Variants in SLC25A26 observed in about 807,000 individuals in gnomAD.
SLC25A26 encodes the protein solute carrier family 25 member 26.
A neutral mutation model predicts 37.8 loss-of-function variants in SLC25A26; 36 were observed. The observed-to-expected ratio is 0.95, with a 90% CI of 0.73 to 1.26. SLC25A26 has a LOEUF of 1.26. SLC25A26 is among the 50% of genes most tolerant of loss of function. The pLI is 0.00. For synonymous variants in SLC25A26, 129 were observed against 122.5 expected, an observed-to-expected ratio of 1.05 and a Z score of -0.35; for missense variants, 390 against 331.1, an observed-to-expected ratio of 1.18 and a Z score of -1.38.
chr3:66,302,765 G>T (rs1267352789), intron 5 of SLC25A26, among the ~76,000 whole-genome samples: 1 of 152,196 alleles, frequency 6.6e-6, no homozygotes, highest in Admixed American at 6.5e-5. Context: ...GAAAAGGTTA[G>T]CCCATATTTA....
intron 1 of SLC25A26, among the ~76,000 whole-genome samples, chr3:66,231,478 A>G (rs2072027808): frequency 6.6e-6 from 1 of 151,730 alleles, no homozygotes. Context: ...TTAAAAAATT[A>G]ATAATTCTTG....
intron 6 of SLC25A26, among the ~76,000 whole-genome samples, chr3:66,354,641 G>A (rs1256417207): frequency 2.0e-5 from 3 of 152,134 alleles, no homozygotes; most frequent in Non-Finnish European, 4.4e-5. Flanking sequence ...GATACTTTTA[G>A]TAATATAAAC....
intron 5 of SLC25A26, among the ~76,000 whole-genome samples, chr3:66,291,293 T>C (rs2074697589): frequency 6.6e-6 from 1 of 152,164 alleles, no homozygotes; most frequent in African/African-American, 2.4e-5. Flanking sequence ...TGGGGGGTTT[T>C]TTTGTGTCTC....
At chr3:66,372,606 C>T (rs1700405938) in intron 9 of SLC25A26, among the ~76,000 whole-genome samples, 1 of 152,148 alleles carries the variant, frequency 6.6e-6, no homozygotes, top group African/African-American at 2.4e-5. Flanking sequence ...TCTCAGAAGT[C>T]ATGGGCTCTA....
At chr3:66,134,133 A>G (rs1287701582) in intron 1 of SLC25A26, 4 of 152,222 alleles carry the variant, frequency 2.6e-5, no homozygotes, top group African/African-American at 4.8e-5. Flanking sequence ...TGGAAAAACA[A>G]AACAGGGATA....
At chr3:66,261,923 G>T (rs2073543954) in intron 3 of SLC25A26, 128 bp from the exon 4 acceptor site, 7 of 556,576 alleles carry the variant, frequency 1.3e-5, no homozygotes, top group Non-Finnish European at 1.6e-5. Context: ...AAAAAAAAAA[G>T]AAACTTTTTG....
rs1474088817 is a variant in SLC25A26 at position 66,199,994 on chromosome 3, T to C, written c.-353-20748T>C. ...CATCTAGATCTTTTGTAACTTGCAA[T>C]ATGAAAATAATTTTCAGAATTATGG... On this transcript the variant is annotated intron_variant, in intron 1 of 10. Transcript: ENST00000676754. Among the ~76,000 whole-genome samples the C allele has an allele frequency of 2.6e-5, 4 of 152,216 alleles. No homozygotes were observed. In the East Asian group the frequency reaches 7.7e-4, roughly 29 times the overall value.
Position 66,368,226 on chromosome 3 carries a change from TA to T in SLC25A26, c.569-1250del, listed in dbSNP as rs923937583. On this transcript the variant is annotated intron_variant, in intron 7 of 9. Coordinates refer to ENST00000354883, the MANE Select transcript of SLC25A26 (RefSeq NM_001379210.1). The stretch of plus-strand genomic sequence containing the variant: ...ACACACGGGTGTCCTGTTGCCCTTA[TA>T]ACACTGCCTCTTTACCCCTAGCTCA... Among the ~76,000 whole-genome samples the T allele has an allele frequency of 1.2e-4, 19 of 152,226 alleles. 1 individual carries two copies. The highest frequency in any genetic ancestry group is 2.1e-4 in the Non-Finnish European group (14 of 68,036).
intron 5 of SLC25A26, among the ~76,000 whole-genome samples, chr3:66,288,914 A>G (rs1261986064): frequency 6.6e-6 from 1 of 152,138 alleles, no homozygotes; most frequent in African/African-American, 2.4e-5. Context: ...TGTCTTCCAC[A>G]ATGGTTGAAC....
At chr3:66,332,610 CTG>C (rs2076003366) in intron 5 of SLC25A26, among the ~76,000 whole-genome samples, 1 of 152,086 alleles carries the variant, frequency 6.6e-6, no homozygotes, top group Admixed American at 6.5e-5. Flanking sequence ...TGAGGTCTCA[CTG>C]TGTTTCCCAG....
intron 7 of SLC25A26, 133 bp downstream of exon 7, chr3:66,363,062 A>T (rs532377510): frequency 2.3e-6 from 1 of 436,318 alleles, no homozygotes; most frequent in South Asian, 8.8e-5. Context: ...TTGTTTGAGA[A>T]AAGAACGTGT....
At chr3:66,278,495 C>A (rs543809488) in intron 5 of SLC25A26, among the ~76,000 whole-genome samples, 3 of 151,864 alleles carry the variant, frequency 2.0e-5, no homozygotes, top group Admixed American at 2.0e-4. Flanking sequence ...TTCATCGGTG[C>A]TTTCAGATAA....
At chr3:66,245,761 A>G (rs1370303326) in intron 3 of SLC25A26, among the ~76,000 whole-genome samples, 1 of 152,236 alleles carries the variant, frequency 6.6e-6, no homozygotes, top group Non-Finnish European at 1.5e-5. Flanking sequence ...AGGTAACACA[A>G]AAGTAAAAGT....
At chr3:66,316,362 C>G (rs2075539176) in intron 5 of SLC25A26, among the ~76,000 whole-genome samples, 1 of 152,072 alleles carries the variant, frequency 6.6e-6, no homozygotes. Flanking sequence ...TTTATTTCTC[C>G]TTTGCTTATG....
chr3:66,332,093 T>C (rs1447537015), intron 5 of SLC25A26, among the ~76,000 whole-genome samples: 1 of 151,896 alleles, frequency 6.6e-6, no homozygotes, highest in Admixed American at 6.6e-5. Flanking sequence ...CACCAAAAAT[T>C]AGCCTGGCTA....
chr3:66,234,338 A>G (rs2072174317), intron 1 of SLC25A26, among the ~76,000 whole-genome samples: 1 of 152,192 alleles, frequency 6.6e-6, no homozygotes, highest in African/African-American at 2.4e-5. Context: ...TTCCTACATT[A>G]CTTGTGAACT....
chr3:66,198,940 C>T (rs1242067048), intron 1 of SLC25A26, among the ~76,000 whole-genome samples: 1 of 151,928 alleles, frequency 6.6e-6, no homozygotes, highest in Non-Finnish European at 1.5e-5. Flanking sequence ...CTGATCTTGA[C>T]CTTGACCTGA....
intron 5 of SLC25A26, among the ~76,000 whole-genome samples, chr3:66,309,717 T>A (rs2075323893): frequency 6.6e-6 from 1 of 152,190 alleles, no homozygotes; most frequent in Non-Finnish European, 1.5e-5. Context: ...TTGTTCTCAT[T>A]GGTTTCGAAG....
intron 1 of SLC25A26, among the ~76,000 whole-genome samples, chr3:66,181,923 C>A (rs751926473): frequency 2.0e-5 from 3 of 151,950 alleles, no homozygotes; most frequent in Non-Finnish European, 4.4e-5. Context: ...CATGAGCAAG[C>A]CTGCCTGGGA....
Sources: allele counts gnomAD v4.1 joint callset (sites outside exome capture counted in the v4.1 genomes callset), GRCh38; gene constraint gnomAD v4.1.1; transcripts MANE v1.5; gene names NCBI Gene and HGNC (gene_info 2026-07-23, HGNC 2026-07-21).